The following GRID2 variants were observed in gnomAD, a reference collection of about 807,000 sequenced individuals.
The protein encoded by GRID2 is glutamate ionotropic receptor delta type subunit 2.
GRID2 carries 33 observed loss-of-function variants against 114.8 expected under a neutral mutation model. The observed-to-expected ratio is 0.29, with a 90% CI of 0.22 to 0.38. The LOEUF (loss-of-function observed/expected upper bound fraction) is 0.38, where lower values mean the gene tolerates loss of function less well. Among genes scored for constraint, GRID2 ranks in the 10% least tolerant of loss-of-function variants. The probability of loss-of-function intolerance (pLI) is 1.00; values close to 1 mark genes in which losing one functional copy is unlikely to be tolerated. For synonymous variants in GRID2, 505 were observed against 449.9 expected, an observed-to-expected ratio of 1.12 and a Z score of -1.55; for missense variants, 1,184 against 1,257.7, an observed-to-expected ratio of 0.94 and a Z score of 0.89.
intron 2 of GRID2, among the ~76,000 whole-genome samples, chr4:92,649,661 A>G (rs1014355515): frequency 6.6e-6 from 1 of 151,996 alleles, no homozygotes; most frequent in Non-Finnish European, 1.5e-5. Flanking sequence ...CTTGAACCAT[A>G]CTTAATAACC....
At chr4:93,296,738 G>A (rs17020345) in intron 8 of GRID2, among the ~76,000 whole-genome samples, 8,232 of 152,262 alleles carry the variant, frequency 0.054, 749 homozygotes, top group African/African-American at 0.19. Context: ...AAACTTGAAT[G>A]AATCTGACCA....
intron 13 of GRID2, among the ~76,000 whole-genome samples, chr4:93,565,324 G>A (rs1350382772): frequency 6.6e-6 from 1 of 152,092 alleles, no homozygotes; most frequent in Non-Finnish European, 1.5e-5. Flanking sequence ...TATCTTGATT[G>A]TGAATATTGC....
chr4:93,409,160 G>A (rs544289765), intron 9 of GRID2, among the ~76,000 whole-genome samples: 31 of 152,306 alleles, frequency 2.0e-4, no homozygotes, highest in Non-Finnish European at 3.4e-4. Context: ...TTAGGGGCCT[G>A]TGAATTAACT....
At chr4:92,396,396 C>CT (rs936917568) in intron 1 of GRID2, among the ~76,000 whole-genome samples, 20 of 152,004 alleles carry the variant, frequency 1.3e-4, no homozygotes, top group Admixed American at 3.9e-4. Context: ...TTGCCGATTG[C>CT]TTTTTGTAAG....
intron 4 of GRID2, among the ~76,000 whole-genome samples, chr4:93,186,245 TG>T (rs899660185): frequency 1.3e-5 from 2 of 152,188 alleles, no homozygotes; most frequent in African/African-American, 2.4e-5. Flanking sequence ...TTTATATACT[TG>T]GGTATATACC....
chr4:92,395,261 A>G (rs1302883493), intron 1 of GRID2, among the ~76,000 whole-genome samples: 1 of 151,646 alleles, frequency 6.6e-6, no homozygotes, highest in Non-Finnish European at 1.5e-5. Flanking sequence ...ATAATAAGGT[A>G]GGGATATAGT....
intron 2 of GRID2, among the ~76,000 whole-genome samples, chr4:92,985,087 C>G (rs1754426919): frequency 6.6e-6 from 1 of 152,030 alleles, no homozygotes; most frequent in African/African-American, 2.4e-5. Flanking sequence ...CAGCCTGATA[C>G]CTTGTTTCTC....
intron 14 of GRID2, among the ~76,000 whole-genome samples, chr4:93,663,900 C>T (rs1463547556): frequency 6.6e-6 from 1 of 152,152 alleles, no homozygotes; most frequent in Admixed American, 6.6e-5. Flanking sequence ...TCTCATACAT[C>T]ACCTGGCTTA....
chr4:92,873,604 A>G (rs1354428070), intron 2 of GRID2, among the ~76,000 whole-genome samples: 1 of 152,206 alleles, frequency 6.6e-6, no homozygotes, highest in African/African-American at 2.4e-5. Flanking sequence ...TGTATATCTA[A>G]AGCTAAAATT....
At chr4:92,582,189 T>C (rs1440880197) in intron 1 of GRID2, among the ~76,000 whole-genome samples, 1 of 151,788 alleles carries the variant, frequency 6.6e-6, no homozygotes, top group Non-Finnish European at 1.5e-5. Flanking sequence ...GTCAATAACT[T>C]TATATATTTT....
intron 8 of GRID2, among the ~76,000 whole-genome samples, chr4:93,300,701 G>A (rs968547653): frequency 2.6e-5 from 4 of 152,162 alleles, no homozygotes; most frequent in South Asian, 2.1e-4. Context: ...CTCAGACACC[G>A]AGTTGTAGAC....
chr4:92,842,265 G>A (rs997277257), intron 2 of GRID2, among the ~76,000 whole-genome samples: 3 of 152,034 alleles, frequency 2.0e-5, no homozygotes, highest in African/African-American at 7.2e-5. Context: ...TGGTATCTGT[G>A]ACCACAAAAT....
At chr4:93,707,915 T>C (rs1050349063) in intron 14 of GRID2, among the ~76,000 whole-genome samples, 4 of 151,980 alleles carry the variant, frequency 2.6e-5, no homozygotes, top group African/African-American at 9.7e-5. Flanking sequence ...TCAAGACATT[T>C]TTAAATTTCC....
chr4:93,328,531 T>A (rs1289204105), intron 8 of GRID2, among the ~76,000 whole-genome samples: 1 of 152,324 alleles, frequency 6.6e-6, no homozygotes, highest in Non-Finnish European at 1.5e-5. Context: ...CTTATACATA[T>A]GAGTCCTTTA....
chr4:93,048,681 G>T (rs1726404427), intron 2 of GRID2, among the ~76,000 whole-genome samples: 1 of 152,036 alleles, frequency 6.6e-6, no homozygotes, highest in African/African-American at 2.4e-5. Context: ...ATAGGATAAA[G>T]GAGATACAAA....
intron 2 of GRID2, among the ~76,000 whole-genome samples, chr4:92,690,089 T>A (rs1290006912): frequency 1.3e-5 from 2 of 152,148 alleles, no homozygotes; most frequent in Non-Finnish European, 2.9e-5. Context: ...AGCTTTTCCT[T>A]TGCATTCACA....
intron 8 of GRID2, among the ~76,000 whole-genome samples, chr4:93,316,322 A>AAG (rs1316291104): frequency 3.9e-5 from 2 of 51,850 alleles, no homozygotes; most frequent in Admixed American, 1.8e-4. Flanking sequence ...GAAAGAAAGA[A>AAG]AGAAAGAAAG....
intron 1 of GRID2, among the ~76,000 whole-genome samples, chr4:93,781,566 C>G (rs779986580): frequency 1.2e-4 from 18 of 152,064 alleles, no homozygotes; most frequent in Admixed American, 2.6e-4. Context: ...GTTCCAGGAC[C>G]CCCCTCAGAT....
chr4:93,458,887 G>C (rs766307912), intron 11 of GRID2, among the ~76,000 whole-genome samples: 2 of 152,026 alleles, frequency 1.3e-5, no homozygotes, highest in Non-Finnish European at 2.9e-5. Context: ...AGAAGAGTAA[G>C]GGTAGAAATT....
Sources: gnomAD v4.1 joint callset for allele counts (sites outside exome capture counted in the v4.1 genomes callset) on GRCh38, gnomAD v4.1.1 for gene constraint, MANE v1.5 for transcripts, NCBI Gene and HGNC (gene_info 2026-07-23, HGNC 2026-07-21) for gene names.